The following CHDH variants were observed in gnomAD, a reference collection of about 807,000 sequenced individuals.
CHDH encodes the protein choline dehydrogenase, mitochondrial.
A neutral mutation model predicts 56.9 loss-of-function variants in CHDH; 43 were observed. That is an observed-to-expected ratio of 0.76 (90% CI 0.59 to 0.97). The LOEUF (loss-of-function observed/expected upper bound fraction) is 0.97. Among genes scored for constraint, CHDH ranks in the 50% least tolerant of loss-of-function variants. The pLI is 0.00. For synonymous variants in CHDH, 364 were observed against 348.5 expected (o/e 1.04, Z -0.50); for missense variants, 816 against 821.1 (o/e 0.99, Z 0.08).
intron 2 of CHDH, 41 bp from the exon 3 acceptor site, chr3:53,824,108 T>TATCCA (rs2095634392): frequency 1.7e-6 from 2 of 1,169,266 alleles, no homozygotes; most frequent in Non-Finnish European, 2.3e-6. Flanking sequence ...TAACTCCGCA[T>TATCCA]ATCCAGGGTA....
chr3:53,818,525 C>G (rs1301925101), intron 8 of CHDH, among the ~76,000 whole-genome samples: 1 of 152,230 alleles, frequency 6.6e-6, no homozygotes, highest in Admixed American at 6.5e-5. Context: ...CCTGCAGCCA[C>G]TGCTGGGCAA....
chr3:53,835,428 C>T (rs993993474), intron 2 of CHDH, among the ~76,000 whole-genome samples: 4 of 152,250 alleles, frequency 2.6e-5, no homozygotes, highest in East Asian at 1.9e-4. Context: ...GACCTTCACA[C>T]CTGTCACTGT....
intron 2 of CHDH, among the ~76,000 whole-genome samples, chr3:53,837,602 C>T (rs1698537393): frequency 6.6e-6 from 1 of 152,244 alleles, no homozygotes; most frequent in African/African-American, 2.4e-5. Flanking sequence ...TAAGTCTGCC[C>T]TCCTGCCTCC....
chr3:53,823,586 A>G lies in CHDH; in HGVS notation c.423T>C (p.Arg141=). 1 of 1,543,666 alleles carries G rather than the reference A, an allele frequency of 6.5e-7. No individual in the cohort carries two copies. The highest frequency in any genetic ancestry group is 8.7e-7 in the Non-Finnish European group (1 of 1,146,328). The change falls in exon 3 of 9, where the codon CGT becomes CGC. Residue 141 remains arginine, a synonymous_variant. Transcript: ENST00000315251. ...AGCGCTCGTAGTCCTCGGCGTGCCC[A>G]CGGACGTAGACCATGGCATTGAGGG... ...SSSLNAMVYV[R]GHAEDYERWQ... is the part of the protein sequence containing the mutation.
Position 53,819,742 on chromosome 3 carries a change from G to C in CHDH, c.1121-68C>G. 6.8e-7 allele frequency: 1 copy of C among 1,468,858 alleles called. No individual in the cohort carries two copies. Among genetic ancestry groups the C allele is most frequent in the Non-Finnish European group, 9.1e-7 (1 of 1,103,794 alleles). 91.0% of individuals were successfully genotyped at this position (1,468,858 alleles called of 1,614,324 possible). On this transcript the variant is annotated intron_variant, in intron 6 of 8. Transcript: ENST00000315251. This position sits in a 1 kb window ranked among gnomAD's most constrained non-coding sequence, Gnocchi z 5.4. ...GTGGCAGGTGGGCCGGCTGCTCCTG[G>C]TTTCCCTCCTTTCTCCTGGCCGCTC...
chr3:53,837,515 C>T (rs576891049), intron 2 of CHDH, among the ~76,000 whole-genome samples: 2 of 152,374 alleles, frequency 1.3e-5, no homozygotes, highest in East Asian at 3.9e-4. Context: ...CCGTGTGACC[C>T]AGGGCAGGGT....
intron 2 of CHDH, among the ~76,000 whole-genome samples, chr3:53,836,553 T>A (rs1698501798): frequency 6.6e-6 from 1 of 152,236 alleles, no homozygotes; most frequent in African/African-American, 2.4e-5. Flanking sequence ...GACTTCTCTG[T>A]GCCACTTACT....
At chr3:53,845,377 C>G (rs1328383264) in intron 1 of CHDH, among the ~76,000 whole-genome samples, 1 of 152,196 alleles carries the variant, frequency 6.6e-6, no homozygotes, top group East Asian at 1.9e-4. Flanking sequence ...ACAACACACC[C>G]CTAAGTTCCA....
At chr3:53,830,611 G>A (rs1698303098) in intron 2 of CHDH, among the ~76,000 whole-genome samples, 1 of 152,052 alleles carries the variant, frequency 6.6e-6, no homozygotes, top group Admixed American at 6.6e-5. Flanking sequence ...AGATCAGTAA[G>A]GAAACAGAGG....
In CHDH at chr3:53,823,473, C is replaced by G; in HGVS notation, c.536G>C (p.Arg179Pro). 2 of 1,550,058 alleles carry G rather than the reference C, an allele frequency of 1.3e-6. No individual in the cohort carries two copies. Among genetic ancestry groups the G allele is most frequent in the South Asian group, 1.2e-5 (1 of 84,404 alleles). The change falls in exon 3 of 9, where the codon CGG (arginine) becomes CCG (proline). Residue 179 changes from arginine (R) to proline (P), a missense_variant. Coordinates refer to ENST00000315251, the MANE Select transcript of CHDH (RefSeq NM_018397.5). The stretch of plus-strand genomic sequence containing the variant: ...CAGCGGGCCATCGGCGCCCCGGTAC[C>G]GGCTGGCGCCCAGCTCGTGGCCCTG... ...KAQGHELGAS[R>P]YRGADGPLRV... is the part of the protein sequence containing the mutation.
chr3:53,844,927 C>CG (rs1292067669), intron 1 of CHDH, among the ~76,000 whole-genome samples: 1 of 152,236 alleles, frequency 6.6e-6, no homozygotes, highest in African/African-American at 2.4e-5. Context: ...CGCAGCAAGG[C>CG]GGGTACTTGT....
intron 2 of CHDH, among the ~76,000 whole-genome samples, chr3:53,828,648 C>T (rs1345386520): frequency 1.3e-5 from 2 of 152,198 alleles, no homozygotes; most frequent in Admixed American, 6.5e-5. Context: ...ATGAGAAGAT[C>T]GTCCACATCA....
chr3:53,834,816 T>C (rs1188894503), intron 2 of CHDH, among the ~76,000 whole-genome samples: 3 of 152,248 alleles, frequency 2.0e-5, no homozygotes, highest in Non-Finnish European at 2.9e-5. Flanking sequence ...TGCAGTGTAC[T>C]GTGCCCTGTA....
Position 53,841,336 on chromosome 3 carries a change from C to T in CHDH, c.-130-337G>A, listed in dbSNP as rs1437060536. On this transcript the variant is annotated intron_variant, in intron 1 of 8. Coordinates refer to ENST00000315251, the MANE Select transcript of CHDH (RefSeq NM_018397.5). ...AATCTTCCCTTCCCACTGTCTGCTG[C>T]GCCGACTCCAGTACTTCCTATAAAC... Among the ~76,000 whole-genome samples the T allele has an allele frequency of 3.3e-5, 5 of 152,182 alleles. No individual in the cohort carries two copies. The East Asian group carries it at 5.8e-4, about 18-fold the overall frequency.
At chr3:53,831,907 T>C (rs1241100123) in intron 2 of CHDH, among the ~76,000 whole-genome samples, 2 of 148,504 alleles carry the variant, frequency 1.3e-5, no homozygotes, top group African/African-American at 2.5e-5. Context: ...TGAGCCGAGA[T>C]GGCACCACTG....
chr3:53,823,225 G>C (rs1285585548), intron 3 of CHDH, 81 bp downstream of exon 3: 2 of 1,308,682 alleles, frequency 1.5e-6, no homozygotes, highest in East Asian at 5.2e-5. Flanking sequence ...CTGGAGCCAG[G>C]AGCCTGGAGC....
chr3:53,823,874 C>T lies in CHDH; in HGVS notation c.135G>A (p.Val45=), dbSNP rs371031612. 3.8e-4 allele frequency: 612 copies of T among 1,591,500 alleles called. 1 individual carries two copies. The African/African-American group carries it at 7.3e-3, about 19-fold the overall frequency. Reference sequence around the variant, plus strand: ...CGCAGCCCGCCGAGCCCGCGCCCACCACCACATAGCTGTACTCGTCCCGGC... The same window carrying T: ...CGCAGCCCGCCGAGCCCGCGCCCACTACCACATAGCTGTACTCGTCCCGGC... ...SESRDEYSYV[V]VGAGSAGCVL... Residue 45 remains valine (V), a synonymous_variant, in exon 3 of 9, where the codon GTG becomes GTA. Transcript: ENST00000315251.
At chr3:53,838,318 A>C (rs1416746296) in intron 2 of CHDH, among the ~76,000 whole-genome samples, 3 of 145,358 alleles carry the variant, frequency 2.1e-5, no homozygotes, top group Admixed American at 6.8e-5. Context: ...CCCCTCCCAG[A>C]GTCAAGCACC....
rs769275676 is a variant in CHDH at position 53,819,060 on chromosome 3, GCAGTGACGGTCCCTCCATAGACATCCA to G, written c.1264-47_1264-21del. On this transcript the variant is annotated intron_variant, in intron 7 of 8. Transcript: ENST00000315251. This position sits in a 1 kb window ranked among gnomAD's most constrained non-coding sequence, Gnocchi z 5.4. ...ATGTACCTAGAAGAACACAGAGGAA[GCAGTGACGGTCCCTCCATAGACATCCA>G]CAGTGACCTCTGTCAACCCTGGTTT... 5 of 1,533,872 alleles carry G rather than the reference GCAGTGACGGTCCCTCCATAGACATCCA, an allele frequency of 3.3e-6. No homozygotes were observed. The African/African-American group carries it at 6.8e-5, about 21-fold the overall frequency.
Sources: allele counts gnomAD v4.1 joint callset (sites outside exome capture counted in the v4.1 genomes callset), GRCh38; gene constraint gnomAD v4.1.1; non-coding constraint Gnocchi (gnomAD v3.1); transcripts MANE v1.5; gene names NCBI Gene and HGNC (gene_info 2026-07-23, HGNC 2026-07-21).